Variants in STPG4 observed in about 807,000 individuals in gnomAD.
STPG4 encodes the protein sperm-tail PG-rich repeat containing 4, also known as protein STPG4.
STPG4 carries 41 observed loss-of-function variants against 31.5 expected under a neutral mutation model. The ratio of observed to expected loss-of-function variants is 1.30; its 90% CI spans 1.01 to 1.69. The LOEUF is 1.69. STPG4 is among the 40% of genes most tolerant of loss of function. STPG4 has a pLI of 0.00. For missense variants in STPG4, 375 were observed against 293.4 expected, an observed-to-expected ratio of 1.28 and a Z score of -2.03; for synonymous variants, 141 against 103.0, an observed-to-expected ratio of 1.37 and a Z score of -2.24.
intron 5 of STPG4, among the ~76,000 whole-genome samples, chr2:47,120,483 C>T (rs1467634805): frequency 6.6e-6 from 1 of 152,024 alleles, no homozygotes; most frequent in South Asian, 2.1e-4. Flanking sequence ...AGGAGAATGG[C>T]GTGAACCTGG....
chr2:47,090,279 G>A lies in STPG4; in HGVS notation c.615C>T (p.Pro205=). 1.3e-6 allele frequency: 2 copies of A among 1,550,394 alleles called. No individual in the cohort carries two copies. Among genetic ancestry groups the A allele is most frequent in the Non-Finnish European group, 1.7e-6 (2 of 1,145,772 alleles). Residue 205 remains proline (P), a synonymous_variant, in exon 6 of 7, where the codon CCC becomes CCT. Transcript: ENST00000445927. ...CTTTCCGAATACTTACTGAACAGCT[G>A]GGCAAGAATCGAGGGACTCTGGATT... ...CFQSRVPRFL[P]SCSKTPGPGA... is the part of the protein sequence containing the mutation.
At chr2:47,125,725 T>TG (rs1285829867) in intron 5 of STPG4, among the ~76,000 whole-genome samples, 2 of 8,422 alleles carry the variant, frequency 2.4e-4, no homozygotes, top group Admixed American at 6.9e-4. Flanking sequence ...TTAGATTTAA[T>TG]TTTTTTTTTT....
At chr2:47,092,979 G>T (rs912439738) in intron 5 of STPG4, among the ~76,000 whole-genome samples, 3 of 152,154 alleles carry the variant, frequency 2.0e-5, no homozygotes, top group African/African-American at 7.2e-5. Flanking sequence ...TTTTAGTAGA[G>T]ATGGGGTTTC....
At chr2:47,107,204 C>T (rs985989624) in intron 5 of STPG4, among the ~76,000 whole-genome samples, 11 of 152,048 alleles carry the variant, frequency 7.2e-5, no homozygotes, top group African/African-American at 1.5e-4. Flanking sequence ...TTCAGCCCAC[C>T]GCTGCACTGT....
intron 5 of STPG4, among the ~76,000 whole-genome samples, chr2:47,102,894 A>G (rs917415330): frequency 6.6e-6 from 1 of 151,808 alleles, no homozygotes; most frequent in African/African-American, 2.4e-5. Context: ...CTATGTACCT[A>G]TCAGGTCCTA....
intron 5 of STPG4, among the ~76,000 whole-genome samples, chr2:47,101,031 G>A (rs202124924): frequency 1.3e-5 from 2 of 151,684 alleles, no homozygotes; most frequent in East Asian, 1.9e-4. Flanking sequence ...TGAGACAATC[G>A]CCAAGCGGTG....
intron 5 of STPG4, among the ~76,000 whole-genome samples, chr2:47,106,018 G>C (rs1685903223): frequency 6.6e-6 from 1 of 151,876 alleles, no homozygotes; most frequent in Non-Finnish European, 1.5e-5. Context: ...GCGGCTGGCA[G>C]AGGTAGGGAA....
chr2:47,087,100 A>G lies in STPG4; in HGVS notation c.655T>C (p.Leu219=). The G allele has an allele frequency of 6.4e-7, 1 of 1,551,802 alleles. No individual in the cohort carries two copies. Among genetic ancestry groups the G allele is most frequent in the Non-Finnish European group, 8.7e-7 (1 of 1,146,996 alleles). ...GGAGACTGCTTAGGGAATTGTCTTA[A>G]AGTTGTATATGCTCCTGGGCCTGGG... is the stretch of plus-strand genomic sequence containing the variant. ...KTPGPGAYTT[L]RQFPKQSPTI... is the part of the protein sequence containing the mutation. Residue 219 remains leucine, a synonymous_variant, in exon 7 of 7, where the codon TTA becomes CTA. Coordinates refer to ENST00000445927, the MANE Select transcript of STPG4 (RefSeq NM_001163561.2).
At chr2:47,138,575 G>C (rs1449972854) in intron 3 of STPG4, among the ~76,000 whole-genome samples, 1 of 151,666 alleles carries the variant, frequency 6.6e-6, no homozygotes, top group Non-Finnish European at 1.5e-5. Context: ...TTTTTAGATG[G>C]AGTCTTGCTC....
chr2:47,141,107 G>T (rs1403486114), intron 3 of STPG4, among the ~76,000 whole-genome samples: 1 of 151,734 alleles, frequency 6.6e-6, no homozygotes, highest in South Asian at 2.1e-4. Context: ...GGCTGGTCTC[G>T]AACTCCTAAC....
intron 5 of STPG4, among the ~76,000 whole-genome samples, chr2:47,115,088 CT>C (rs1212865129): frequency 6.6e-6 from 1 of 152,066 alleles, no homozygotes; most frequent in Non-Finnish European, 1.5e-5. Context: ...CTTCTACAGC[CT>C]TTTGTTTTAC....
At chr2:47,107,279 G>A (rs1046208242) in intron 5 of STPG4, among the ~76,000 whole-genome samples, 1 of 152,098 alleles carries the variant, frequency 6.6e-6, no homozygotes, top group Non-Finnish European at 1.5e-5. Flanking sequence ...GAGGTGTGGA[G>A]GGAGACGCGC....
At chr2:47,149,785 T>G (rs1686900470) in intron 3 of STPG4, among the ~76,000 whole-genome samples, 1 of 152,234 alleles carries the variant, frequency 6.6e-6, no homozygotes, top group Admixed American at 6.5e-5. Flanking sequence ...CAGAGAGAAC[T>G]GAGACAAGTA....
intron 6 of STPG4, among the ~76,000 whole-genome samples, chr2:47,089,522 A>C (rs972000673): frequency 2.6e-5 from 4 of 152,166 alleles, no homozygotes; most frequent in Admixed American, 6.5e-5. Flanking sequence ...ATTTTCTTAC[A>C]GGCAGAATTT....
intron 5 of STPG4, among the ~76,000 whole-genome samples, chr2:47,114,285 G>A (rs559885314): frequency 5.3e-5 from 8 of 151,736 alleles, no homozygotes; most frequent in Non-Finnish European, 7.4e-5. Context: ...TGGGCAGATC[G>A]CTTGAGGCCC....
intron 5 of STPG4, among the ~76,000 whole-genome samples, chr2:47,094,065 G>A (rs940249253): frequency 1.3e-5 from 2 of 152,212 alleles, no homozygotes; most frequent in Non-Finnish European, 2.9e-5. Context: ...CCTTAAAGCT[G>A]AGCACTCTGC....
intron 3 of STPG4, among the ~76,000 whole-genome samples, chr2:47,133,453 C>T (rs1686529340): frequency 6.6e-6 from 1 of 151,832 alleles, no homozygotes; most frequent in African/African-American, 2.4e-5. Flanking sequence ...AGGTGTGAGC[C>T]AACATGCCTG....
At chr2:47,114,492 G>A (rs1258868368) in intron 5 of STPG4, among the ~76,000 whole-genome samples, 1 of 152,074 alleles carries the variant, frequency 6.6e-6, no homozygotes, top group African/African-American at 2.4e-5. Flanking sequence ...GGGTGACACA[G>A]CAAGACTCTA....
chr2:47,089,812 G>C (rs1171644534), intron 6 of STPG4, among the ~76,000 whole-genome samples: 1 of 152,064 alleles, frequency 6.6e-6, no homozygotes, highest in East Asian at 1.9e-4. Flanking sequence ...CTGAGTTTTT[G>C]GGGGTGGGGT....
Sources: allele counts gnomAD v4.1 joint callset (sites outside exome capture counted in the v4.1 genomes callset), GRCh38; gene constraint gnomAD v4.1.1; transcripts MANE v1.5; gene names NCBI Gene and HGNC (gene_info 2026-07-23, HGNC 2026-07-21).